ATP6V0A1: variants seen among roughly 807,000 people sequenced by gnomAD.
ATP6V0A1 encodes V-type proton ATPase 116 kDa subunit a 1.
ATP6V0A1 carries 43 observed loss-of-function variants against 105.4 expected under a neutral mutation model. The observed-to-expected ratio is 0.41, with a 90% confidence interval of 0.32 to 0.53. ATP6V0A1 has a LOEUF of 0.53. Among genes scored for constraint, ATP6V0A1 ranks in the 20% least tolerant of loss-of-function variants. The pLI is 0.30. For synonymous variants in ATP6V0A1, 362 were observed against 372.8 expected, an observed-to-expected ratio of 0.97 and a Z score of 0.33; for missense variants, 676 against 1,051.1, an observed-to-expected ratio of 0.64 and a Z score of 4.93.
chr17:42,494,312 T>C (rs2090952462), intron 11 of ATP6V0A1, 22 bp from the exon 12 acceptor site: 1 of 1,595,282 alleles, frequency 6.3e-7, no homozygotes, highest in Admixed American at 1.7e-5. Context: ...TTTGTATTTT[T>C]CTTTTTTTGG....
chr17:42,494,503 T>A, intron 12 of ATP6V0A1, 30 bp downstream of exon 12: 1 of 1,568,682 alleles, frequency 6.4e-7, no homozygotes, highest in Non-Finnish European at 8.7e-7. Context: ...TGCATTGAAC[T>A]GAAATTTTAT....
At chr17:42,514,695 G>A (rs1040299173) in intron 21 of ATP6V0A1, among the ~76,000 whole-genome samples, 1 of 152,198 alleles carries the variant, frequency 6.6e-6, no homozygotes, top group African/African-American at 2.4e-5. Context: ...TCCCTGGTGA[G>A]TGGTGTCAGG....
Position 42,472,462 on chromosome 17 carries a change from C to T in ATP6V0A1, c.423+2244C>T, listed in dbSNP as rs1320296339. 4.6e-5 allele frequency among the ~76,000 whole-genome samples: 7 copies of T among 152,120 alleles called. No homozygotes were observed. In the South Asian group the frequency reaches 1.5e-3, roughly 32 times the overall value. On this transcript the variant is annotated intron_variant, in intron 5 of 21. Coordinates refer to ENST00000343619, the MANE Select transcript of ATP6V0A1 (RefSeq NM_001130021.3). ...TTTTTAGGCCGGGCGCGGTGGCTAA[C>T]GCCTATAATCCCAGCACTTTGGGAG...
chr17:42,498,119 C>T (rs544200661), intron 14 of ATP6V0A1, among the ~76,000 whole-genome samples: 1 of 151,890 alleles, frequency 6.6e-6, no homozygotes, highest in African/African-American at 2.4e-5. Flanking sequence ...GCATCGTGGC[C>T]TGTGCCTGTA....
Position 42,501,808 on chromosome 17 carries a change from T to C in ATP6V0A1, c.2004+504T>C, listed in dbSNP as rs2091693862. On this transcript the variant is annotated intron_variant, in intron 17 of 21. Transcript: ENST00000343619. ...TAGCACTTTGGGAGGCCGAGGTGGGTGGATCACTTGAGGTCAGGAGTTTGA... is the reference window on the plus strand; with the variant it reads ...TAGCACTTTGGGAGGCCGAGGTGGGCGGATCACTTGAGGTCAGGAGTTTGA... 2.6e-5 allele frequency among the ~76,000 whole-genome samples: 4 copies of C among 151,532 alleles called. No individual in the cohort carries two copies. In the South Asian group the frequency reaches 8.3e-4, roughly 32 times the overall value.
At chr17:42,469,125 G>A (rs1247254025) in intron 4 of ATP6V0A1, among the ~76,000 whole-genome samples, 1 of 152,062 alleles carries the variant, frequency 6.6e-6, no homozygotes, top group Non-Finnish European at 1.5e-5. Flanking sequence ...TGGGATTACA[G>A]GTGTGAGCTA....
At chr17:42,507,210 T>G (rs966916636) in intron 17 of ATP6V0A1, 2 of 261,740 alleles carry the variant, frequency 7.6e-6, no homozygotes, top group South Asian at 9.9e-5. Flanking sequence ...ATTAAGGTTT[T>G]CATTCAAGCA....
chr17:42,484,737 C>G (rs1203930302), intron 9 of ATP6V0A1, among the ~76,000 whole-genome samples: 1 of 152,092 alleles, frequency 6.6e-6, no homozygotes, highest in East Asian at 1.9e-4. Context: ...TGATTGCCCC[C>G]TTAGAATATT....
At chr17:42,462,440 A>T (rs890551569) in intron 2 of ATP6V0A1, among the ~76,000 whole-genome samples, 5 of 151,538 alleles carry the variant, frequency 3.3e-5, no homozygotes, top group African/African-American at 4.9e-5. Context: ...TTTCTTTTTG[A>T]GACAGAGTCC....
chr17:42,468,313 T>G (rs1277068523), intron 4 of ATP6V0A1, among the ~76,000 whole-genome samples: 1 of 152,206 alleles, frequency 6.6e-6, no homozygotes, highest in Non-Finnish European at 1.5e-5. Context: ...ACATAGAATG[T>G]GTATATACCA....
At chr17:42,476,709 C>T (rs1339559083) in intron 5 of ATP6V0A1, among the ~76,000 whole-genome samples, 3 of 151,954 alleles carry the variant, frequency 2.0e-5, no homozygotes, top group African/African-American at 7.2e-5. Context: ...GTGGGAAGAT[C>T]CTTCTTCATT....
At chr17:42,473,355 T>C (rs747816674) in intron 5 of ATP6V0A1, among the ~76,000 whole-genome samples, 2 of 152,240 alleles carry the variant, frequency 1.3e-5, no homozygotes, top group Non-Finnish European at 2.9e-5. Context: ...TGTTCACTAA[T>C]TCACTGAGCA....
chr17:42,466,551 T>C (rs1283860749), intron 3 of ATP6V0A1, 44 bp downstream of exon 3: 1 of 1,518,918 alleles, frequency 6.6e-7, no homozygotes, highest in Non-Finnish European at 9.1e-7. Context: ...TAATGAATCA[T>C]TTGTCTTAGA....
chr17:42,507,458 C>T (rs1803457866), intron 17 of ATP6V0A1, 62 bp from the exon 18 acceptor site: 7 of 1,220,678 alleles, frequency 5.7e-6, no homozygotes, highest in Non-Finnish European at 8.3e-6. Flanking sequence ...TCGCCCTTCC[C>T]ACCTCACAGA....
chr17:42,515,344 G>A (rs1167654694), intron 21 of ATP6V0A1, among the ~76,000 whole-genome samples: 1 of 151,680 alleles, frequency 6.6e-6, no homozygotes, highest in East Asian at 1.9e-4. Context: ...GCACGTGCCT[G>A]TAATCCCAGC....
intron 7 of ATP6V0A1, chr17:42,480,451 A>T: frequency 2.3e-6 from 1 of 432,906 alleles, no homozygotes; most frequent in Non-Finnish European, 4.1e-6. Flanking sequence ...AGTCAAAAAA[A>T]CAAATAGAGA....
intron 5 of ATP6V0A1, among the ~76,000 whole-genome samples, chr17:42,476,572 T>G (rs2088777160): frequency 6.6e-6 from 1 of 152,156 alleles, no homozygotes; most frequent in Admixed American, 6.6e-5. Flanking sequence ...AATGGAGAAG[T>G]TGATTGGACT....
At position 42,513,924 on chromosome 17, in the gene ATP6V0A1, A is replaced by G. The variant is rs780441715; in HGVS notation, c.2194A>G (p.Ile732Val). The change falls in exon 20 of 22, where the codon ATC (isoleucine) becomes GTC (valine). Residue 732 changes from isoleucine (I) to valine (V), a missense_variant. Ile to Val is a conservative substitution (Grantham distance 29). Transcript: ENST00000343619. ...CACCATCGAGTACTGCCTGGGCTGC[A>G]TCTCCAACACTGCCTCCTACTTGCG... The part of the protein sequence containing the change: ...IHTIEYCLGC[I>V]SNTASYLRLW... The G allele has an allele frequency of 1.2e-6, 2 of 1,614,160 alleles. No individual in the cohort carries two copies. Among genetic ancestry groups the G allele is most frequent in the East Asian group, 2.2e-5 (1 of 44,870 alleles).
At chr17:42,517,299 C>A (rs113503525) in intron 21 of ATP6V0A1, among the ~76,000 whole-genome samples, 42 of 149,264 alleles carry the variant, frequency 2.8e-4, no homozygotes, top group African/African-American at 1.1e-3. Flanking sequence ...ACAACAACAA[C>A]AACAACAAAA....
Sources: allele counts gnomAD v4.1 joint callset (sites outside exome capture counted in the v4.1 genomes callset), GRCh38; gene constraint gnomAD v4.1.1; transcripts MANE v1.5; gene names NCBI Gene and HGNC (gene_info 2026-07-23, HGNC 2026-07-21).